The following HECW2 variants were observed in gnomAD, a reference collection of about 807,000 sequenced individuals.
HECW2 encodes the protein E3 ubiquitin-protein ligase HECW2.
Under a neutral mutation model 175.2 loss-of-function variants are expected in HECW2, and 61 were observed. That is an observed-to-expected ratio of 0.35 (90% confidence interval 0.28 to 0.43). The LOEUF is 0.43. Ranked by LOEUF, HECW2 falls within the 20% of genes least tolerant of loss-of-function variation. HECW2 has a pLI of 1.00. For synonymous variants in HECW2, 671 were observed against 731.0 expected, an observed-to-expected ratio of 0.92 and a Z score of 1.32; for missense variants, 1,524 against 2,000.5, an observed-to-expected ratio of 0.76 and a Z score of 4.54.
At chr2:196,403,378 C>A (rs1207793077) in intron 2 of HECW2, among the ~76,000 whole-genome samples, 1 of 152,112 alleles carries the variant, frequency 6.6e-6, no homozygotes. Flanking sequence ...CATAGGGTAT[C>A]CATAGAGACT....
At chr2:196,228,691 C>T (rs969146383) in intron 21 of HECW2, among the ~76,000 whole-genome samples, 2 of 152,112 alleles carry the variant, frequency 1.3e-5, no homozygotes, top group Non-Finnish European at 2.9e-5. Context: ...ACATGGAGTC[C>T]TCATGGATAT....
Position 196,307,175 on chromosome 2 carries a change from T to C in HECW2, c.2644A>G (p.Ile882Val), listed in dbSNP as rs372825838. The change falls in exon 12 of 29, where the codon ATT becomes GTT. Residue 882 changes from isoleucine to valine, a missense_variant. By Grantham distance (29) the Ile-to-Val change is conservative. Coordinates refer to ENST00000644978, the MANE Select transcript of HECW2 (RefSeq NM_001348768.2). ...NERPEENTNA[I>V]DGAGEEADFH... The stretch of plus-strand genomic sequence containing the variant: ...TCAGCTTCCTCCCCTGCCCCATCAA[T>C]AGCATTGGTATTTTCCTCAGGCCTC... 2.5e-6 allele frequency: 4 copies of C among 1,614,058 alleles called. No individual in the cohort carries two copies. In the African/African-American group the frequency reaches 4.0e-5, roughly 16 times the overall value.
At chr2:196,337,882 C>T (rs1309870250) in intron 3 of HECW2, among the ~76,000 whole-genome samples, 1 of 151,984 alleles carries the variant, frequency 6.6e-6, no homozygotes, top group African/African-American at 2.4e-5. Context: ...ACAGCTGAAG[C>T]CAGTCATAGA....
intron 14 of HECW2, chr2:196,288,738 A>G (rs895276111): frequency 1.3e-5 from 2 of 152,220 alleles, no homozygotes; most frequent in Non-Finnish European, 2.9e-5. Flanking sequence ...ATTATGAATG[A>G]TAATAATACC....
intron 1 of HECW2, among the ~76,000 whole-genome samples, chr2:196,468,928 G>T (rs529767770): frequency 6.6e-6 from 1 of 152,258 alleles, no homozygotes; most frequent in East Asian, 1.9e-4. Context: ...CATTTAAGTT[G>T]CAAAATGTTT....
intron 3 of HECW2, among the ~76,000 whole-genome samples, chr2:196,342,865 T>C (rs1452195601): frequency 6.6e-6 from 1 of 152,140 alleles, no homozygotes; most frequent in Non-Finnish European, 1.5e-5. Context: ...TCTTGACTTA[T>C]TCTTTCTGAA....
At chr2:196,424,127 G>A (rs1695478796) in intron 2 of HECW2, among the ~76,000 whole-genome samples, 1 of 151,920 alleles carries the variant, frequency 6.6e-6, no homozygotes, top group African/African-American at 2.4e-5. Context: ...TATTATGCCT[G>A]TCGTGATGAT....
At chr2:196,340,254 T>C (rs552143275) in intron 3 of HECW2, among the ~76,000 whole-genome samples, 13 of 152,220 alleles carry the variant, frequency 8.5e-5, no homozygotes, top group South Asian at 4.1e-4. Context: ...TCAACCAACA[T>C]TCCATTGTGA....
chr2:196,580,962 A>G (rs1310167989), intron 1 of HECW2, among the ~76,000 whole-genome samples: 2 of 152,236 alleles, frequency 1.3e-5, no homozygotes, highest in Admixed American at 1.3e-4. Flanking sequence ...ATATTTGGTC[A>G]TTTAAAGGAG....
intron 26 of HECW2, among the ~76,000 whole-genome samples, chr2:196,219,083 A>G (rs983140373): frequency 6.6e-6 from 1 of 152,216 alleles, no homozygotes. Context: ...TCTCTGCTTC[A>G]ACTTAGAGAT....
intron 1 of HECW2, among the ~76,000 whole-genome samples, chr2:196,476,341 G>T (rs1436977378): frequency 4.0e-5 from 6 of 151,828 alleles, no homozygotes; most frequent in Non-Finnish European, 8.8e-5. Context: ...CTATTAGGTC[G>T]CTGAGGCACT....
intron 1 of HECW2, among the ~76,000 whole-genome samples, chr2:196,488,389 C>A (rs1183639402): frequency 6.6e-5 from 10 of 152,158 alleles, no homozygotes. Context: ...AAAGCATAGA[C>A]ACAAAACAGC....
intron 1 of HECW2, among the ~76,000 whole-genome samples, chr2:196,446,989 A>T (rs1381747605): frequency 6.6e-6 from 1 of 152,192 alleles, no homozygotes; most frequent in Non-Finnish European, 1.5e-5. Flanking sequence ...AAATAATAAT[A>T]AACTACTCAA....
At chr2:196,443,786 T>C (rs1230924310) in intron 1 of HECW2, among the ~76,000 whole-genome samples, 2 of 152,218 alleles carry the variant, frequency 1.3e-5, no homozygotes, top group Non-Finnish European at 2.9e-5. Context: ...TCCCAGCACT[T>C]TGGGAGGCCG....
chr2:196,580,540 A>G (rs1690735890), intron 1 of HECW2, among the ~76,000 whole-genome samples: 1 of 152,118 alleles, frequency 6.6e-6, no homozygotes, highest in Admixed American at 6.6e-5. Flanking sequence ...CAATTCCTCA[A>G]AGAAGATAGT....
intron 13 of HECW2, among the ~76,000 whole-genome samples, chr2:196,298,742 C>A (rs1690913877): frequency 6.6e-6 from 1 of 152,072 alleles, no homozygotes; most frequent in Admixed American, 6.6e-5. Context: ...TTTTTCATGA[C>A]TTTCTTTCAA....
At chr2:196,314,594 T>A (rs1158495897) in intron 10 of HECW2, among the ~76,000 whole-genome samples, 2 of 152,174 alleles carry the variant, frequency 1.3e-5, no homozygotes, top group East Asian at 3.8e-4. Flanking sequence ...AATAAAAGAA[T>A]CAGATTAGCT....
At chr2:196,482,558 T>C (rs1686877429) in intron 1 of HECW2, among the ~76,000 whole-genome samples, 1 of 152,116 alleles carries the variant, frequency 6.6e-6, no homozygotes, top group African/African-American at 2.4e-5. Flanking sequence ...TTGACCCTCC[T>C]GCTCCCAGAC....
rs200739655 is a variant in HECW2, at chr2:196,235,579, TAAAG to T, written c.3764+4866_3764+4869del. On this transcript the variant is annotated intron_variant, in intron 21 of 28. Coordinates refer to ENST00000644978, the MANE Select transcript of HECW2 (RefSeq NM_001348768.2). ...ATATCATGTTTCAGATGTATGCAAATAAAGAAAGTGGAGCTGAAATCTCTCTGCT... is the reference window on the plus strand; with the variant it reads ...ATATCATGTTTCAGATGTATGCAAATAAAGTGGAGCTGAAATCTCTCTGCT... 2.4e-3 allele frequency among the ~76,000 whole-genome samples: 366 copies of T among 150,448 alleles called. 4 individuals are homozygous for T. Among genetic ancestry groups the T allele is most frequent in the Admixed American group, 0.022 (329 of 14,974 alleles).
Sources: gnomAD v4.1 joint callset for allele counts (sites outside exome capture counted in the v4.1 genomes callset) on GRCh38, gnomAD v4.1.1 for gene constraint, MANE v1.5 for transcripts, NCBI Gene and HGNC (gene_info 2026-07-23, HGNC 2026-07-21) for gene names.